MGMT: variants seen among roughly 807,000 people sequenced by gnomAD.
MGMT encodes the protein O-6-methylguanine-DNA methyltransferase.
In MGMT, 14 loss-of-function variants were observed where a neutral mutation model predicts 15.9. The ratio of observed to expected loss-of-function variants is 0.88; its 90% CI spans 0.58 to 1.37. MGMT has a LOEUF of 1.37. Among genes scored for constraint, MGMT ranks in the 40% most tolerant of loss-of-function variants. The probability of loss-of-function intolerance (pLI) is 0.00; values close to 1 mark genes in which losing one functional copy is unlikely to be tolerated. For missense variants in MGMT, 282 were observed against 268.1 expected (o/e 1.05, Z -0.36); for synonymous variants, 130 against 118.2 (o/e 1.10, Z -0.65).
chr10:129,582,951 T>C (rs919579604), intron 2 of MGMT, among the ~76,000 whole-genome samples: 1 of 152,210 alleles, frequency 6.6e-6, no homozygotes, highest in Non-Finnish European at 1.5e-5. Context: ...TGAGAGATGC[T>C]TGCACTGAAT....
chr10:129,702,050 A>G (rs1848105537), intron 2 of MGMT: 1 of 152,248 alleles, frequency 6.6e-6, no homozygotes, highest in Non-Finnish European at 1.5e-5. Context: ...AAGGCAGTTC[A>G]TCACTGGGAC....
chr10:129,563,955 C>G (rs1846310121), intron 2 of MGMT: 1 of 152,308 alleles, frequency 6.6e-6, no homozygotes, highest in Non-Finnish European at 1.5e-5. Flanking sequence ...GTCTCCCTTG[C>G]CATCCTTTGG....
At chr10:129,523,033 A>G (rs1312119404) in intron 1 of MGMT, among the ~76,000 whole-genome samples, 2 of 152,268 alleles carry the variant, frequency 1.3e-5, no homozygotes, top group Non-Finnish European at 2.9e-5. Context: ...TTCCCAAGCC[A>G]TAACAGTTTT....
At chr10:129,586,122 A>G (rs1318404830) in intron 2 of MGMT, among the ~76,000 whole-genome samples, 2 of 152,174 alleles carry the variant, frequency 1.3e-5, no homozygotes, top group African/African-American at 4.8e-5. Context: ...TTTAGAACGT[A>G]TGGATTATTT....
intron 2 of MGMT, among the ~76,000 whole-genome samples, chr10:129,581,619 TATTCTC>T (rs1475631562): frequency 2.0e-5 from 3 of 152,180 alleles, no homozygotes; most frequent in African/African-American, 7.2e-5. Flanking sequence ...CAGAATAAGA[TATTCTC>T]AGACTAGTCA....
chr10:129,638,429 C>CAAAAAAAAAAAAAAAAAAAAAAAAAAAA lies in MGMT; in HGVS notation c.126-69450_126-69449insAAAAAAAAAAAAAAAAAAAAAAAAAAAA. 2.3e-3 allele frequency among the ~76,000 whole-genome samples: 143 copies of CAAAAAAAAAAAAAAAAAAAAAAAAAAAA among 61,754 alleles called. 22 individuals carry two copies. Among genetic ancestry groups the CAAAAAAAAAAAAAAAAAAAAAAAAAAAA allele is most frequent in the Non-Finnish European group, 3.0e-3 (92 of 30,728 alleles). 40.5% of individuals were successfully genotyped at this position (61,754 alleles called of 152,430 possible). A position where few individuals can be genotyped will look rare whatever the true frequency, so the allele number is the denominator to read the frequency against. ...GAAGTCCAAGAGAGGACCAAAGAGGCAAAAAAAAAAAAAAAAGAAAAAAAA... is the reference window on the plus strand; with the variant it reads ...GAAGTCCAAGAGAGGACCAAAGAGGCAAAAAAAAAAAAAAAAAAAAAAAAAAAAAAAAAAAAAAAAAAAAGAAAAAAAA... On this transcript the variant is annotated intron_variant, in intron 2 of 4. Transcript: ENST00000651593.
intron 1 of MGMT, among the ~76,000 whole-genome samples, chr10:129,471,510 A>G (rs1845230783): frequency 6.6e-6 from 1 of 152,078 alleles, no homozygotes; most frequent in South Asian, 2.1e-4. Context: ...TGTGTGGGGT[A>G]AGAGCCACTA....
At chr10:129,748,961 A>G (rs539744296) in intron 3 of MGMT, among the ~76,000 whole-genome samples, 54 of 152,310 alleles carry the variant, frequency 3.5e-4, no homozygotes, top group Non-Finnish European at 1.5e-5. Context: ...GTATTTATGT[A>G]CAGTTCCTTT....
chr10:129,495,550 T>C (rs1475429696), intron 1 of MGMT, among the ~76,000 whole-genome samples: 1 of 152,242 alleles, frequency 6.6e-6, no homozygotes, highest in African/African-American at 2.4e-5. Flanking sequence ...TGCTGAACTT[T>C]TTAATTCCTG....
At chr10:129,668,670 AG>A (rs1172503148) in intron 2 of MGMT, among the ~76,000 whole-genome samples, 1 of 152,240 alleles carries the variant, frequency 6.6e-6, no homozygotes, top group Admixed American at 6.5e-5. Context: ...CAAATCTAAT[AG>A]AGAAAGTACT....
At chr10:129,738,311 G>A (rs548038723) in intron 3 of MGMT, among the ~76,000 whole-genome samples, 3 of 152,316 alleles carry the variant, frequency 2.0e-5, no homozygotes, top group South Asian at 2.1e-4. Context: ...GGAGTGACCC[G>A]ATTTTCCAGG....
chr10:129,715,403 C>T (rs544466437), intron 3 of MGMT: 2 of 152,266 alleles, frequency 1.3e-5, no homozygotes, highest in East Asian at 3.9e-4. Context: ...ATCATTGCTT[C>T]CTTTAATAAA....
At chr10:129,529,688 C>T (rs1254352405) in intron 1 of MGMT, among the ~76,000 whole-genome samples, 1 of 152,080 alleles carries the variant, frequency 6.6e-6, no homozygotes, top group Non-Finnish European at 1.5e-5. Flanking sequence ...TTATTTTACA[C>T]CTCAGTTTTT....
At chr10:129,591,472 C>G (rs1314483411) in intron 2 of MGMT, among the ~76,000 whole-genome samples, 1 of 152,166 alleles carries the variant, frequency 6.6e-6, no homozygotes, top group East Asian at 1.9e-4. Context: ...TGTGTCAGGT[C>G]AGAGATGCCT....
intron 3 of MGMT, among the ~76,000 whole-genome samples, chr10:129,723,438 A>G (rs917279731): frequency 1.3e-5 from 2 of 152,206 alleles, no homozygotes; most frequent in Admixed American, 6.5e-5. Flanking sequence ...TCATATACCT[A>G]AAGGAGAAGC....
chr10:129,479,919 A>G (rs1259625298), intron 1 of MGMT, among the ~76,000 whole-genome samples: 1 of 152,224 alleles, frequency 6.6e-6, no homozygotes, highest in Admixed American at 6.5e-5. Flanking sequence ...CCTGAGTTAT[A>G]TATTAATACC....
intron 2 of MGMT, among the ~76,000 whole-genome samples, chr10:129,588,916 C>T (rs1041958756): frequency 2.6e-5 from 4 of 152,252 alleles, no homozygotes; most frequent in African/African-American, 9.6e-5. Context: ...AGGAGAAACT[C>T]GCGCAGATTC....
chr10:129,688,541 T>C (rs1222772403), intron 2 of MGMT, among the ~76,000 whole-genome samples: 3 of 152,150 alleles, frequency 2.0e-5, no homozygotes, highest in Non-Finnish European at 4.4e-5. Flanking sequence ...TGGTGTTGTT[T>C]GATTTTTTTC....
Position 129,767,418 on chromosome 10 carries a change from C to G in MGMT, c.*421C>G, listed in dbSNP as rs913631893. 3 of 156,814 alleles carry G rather than the reference C, an allele frequency of 1.9e-5. No individual in the cohort carries two copies. The highest frequency in any genetic ancestry group is 6.5e-5 in the Admixed American group (1 of 15,470). 9.7% of individuals were successfully genotyped at this position (156,814 alleles called of 1,614,324 possible). A position where few individuals can be genotyped will look rare whatever the true frequency, so the allele number is the denominator to read the frequency against. ...CCATGCCTCCCTTCCTGGCTGTGTC[C>G]ATGGCTGTGATGGCATTCTCCACTC... is the stretch of plus-strand genomic sequence containing the variant. On this transcript the variant is annotated 3_prime_UTR_variant, in exon 5 of 5. Coordinates refer to ENST00000651593, the MANE Select transcript of MGMT (RefSeq NM_002412.5).
Sources: allele counts gnomAD v4.1 joint callset (sites outside exome capture counted in the v4.1 genomes callset), GRCh38; gene constraint gnomAD v4.1.1; transcripts MANE v1.5; gene names NCBI Gene and HGNC (gene_info 2026-07-23, HGNC 2026-07-21).